Variants in OPCML observed in about 807,000 individuals in gnomAD.
OPCML encodes opioid-binding protein/cell adhesion molecule.
In OPCML, 13 loss-of-function variants were observed where a neutral mutation model predicts 37.8. That is an observed-to-expected ratio of 0.34 (90% CI 0.22 to 0.55). The LOEUF (loss-of-function observed/expected upper bound fraction) is 0.55, where lower values mean the gene tolerates loss of function less well. OPCML is among the 20% of genes least tolerant of loss of function. OPCML has a pLI of 0.91. For missense variants in OPCML, 341 were observed against 435.6 expected, an observed-to-expected ratio of 0.78 and a Z score of 1.93; for synonymous variants, 176 against 168.8, an observed-to-expected ratio of 1.04 and a Z score of -0.33.
intron 1 of OPCML, among the ~76,000 whole-genome samples, chr11:133,248,754 G>T (rs1941033660): frequency 6.6e-6 from 1 of 152,200 alleles, no homozygotes; most frequent in Admixed American, 6.5e-5. Context: ...CTGGAGTTGT[G>T]GTTGTGGTGG....
At chr11:132,793,204 C>T (rs1368795939) in intron 2 of OPCML, among the ~76,000 whole-genome samples, 2 of 152,150 alleles carry the variant, frequency 1.3e-5, no homozygotes, top group Non-Finnish European at 2.9e-5. Flanking sequence ...CAGTGCTGCC[C>T]TTCCCGGGAC....
rs553521142 is a variant in OPCML at position 133,485,218 on chromosome 11, G to A, written c.61+47046C>T. Among the ~76,000 whole-genome samples, 6 of 152,204 alleles carry A rather than the reference G, an allele frequency of 3.9e-5. No individual in the cohort carries two copies. The East Asian group carries it at 1.2e-3, about 29-fold the overall frequency. On this transcript the variant is annotated intron_variant, in intron 1 of 7. Transcript: ENST00000524381. ...TGGATATAAAAGAAATATACAAAAA[G>A]CAATAGCTTTGTTTTACACCAGCAT...
intron 4 of OPCML, among the ~76,000 whole-genome samples, chr11:132,500,736 G>A (rs1350620452): frequency 6.6e-6 from 1 of 151,956 alleles, no homozygotes. Flanking sequence ...CCTAGTGTGT[G>A]ATGTTCCCCT....
intron 1 of OPCML, among the ~76,000 whole-genome samples, chr11:133,029,871 A>AG (rs1044965745): frequency 7.9e-5 from 12 of 151,492 alleles, no homozygotes; most frequent in African/African-American, 2.7e-4. Flanking sequence ...TTTAAAAAAA[A>AG]ATTAAGTAAA....
chr11:132,922,758 C>T (rs1432652558), intron 2 of OPCML, among the ~76,000 whole-genome samples: 1 of 152,126 alleles, frequency 6.6e-6, no homozygotes, highest in East Asian at 1.9e-4. Context: ...CTCCCAGGAA[C>T]GAAGTCCTGT....
At chr11:133,457,229 T>G (rs183594892) in intron 1 of OPCML, among the ~76,000 whole-genome samples, 58 of 152,214 alleles carry the variant, frequency 3.8e-4, no homozygotes, top group Admixed American at 3.7e-3. Flanking sequence ...AACGTTTTCT[T>G]AAAGCATCAG....
chr11:133,096,118 A>G (rs1165085832), intron 1 of OPCML, among the ~76,000 whole-genome samples: 1 of 126,704 alleles, frequency 7.9e-6, no homozygotes, highest in African/African-American at 3.1e-5. Context: ...GCAACAAGGT[A>G]TTTGTGCACA....
intron 7 of OPCML, 97 bp downstream of exon 7, chr11:132,435,989 T>G (rs1422808379): frequency 3.1e-6 from 4 of 1,295,582 alleles, no homozygotes; most frequent in Non-Finnish European, 4.2e-6. Flanking sequence ...GTAGGATGGA[T>G]GGACACAGGC....
At position 133,500,558 on chromosome 11, in the gene OPCML, G is replaced by A. The variant is rs143105606; in HGVS notation, c.61+31706C>T. ...AGAGTAAGGCCAAGAGGGAAGCCTC[G>A]CTCCCTTCCCACCACCTCCCCTGCA... On this transcript the variant is annotated intron_variant, in intron 1 of 7. Transcript: ENST00000524381. Among the ~76,000 whole-genome samples the A allele has an allele frequency of 5.6e-3, 858 of 152,284 alleles. 7 individuals carry two copies. The highest frequency in any genetic ancestry group is 0.017 in the Middle Eastern group (5 of 294).
intron 1 of OPCML, among the ~76,000 whole-genome samples, chr11:133,112,526 A>G (rs1949272389): frequency 6.6e-6 from 1 of 152,202 alleles, no homozygotes; most frequent in Non-Finnish European, 1.5e-5. Flanking sequence ...TATTGTAGAC[A>G]TGGGCAAAAT....
rs183024648 is a variant in OPCML at position 132,964,311 on chromosome 11, C to G, written c.62-21301G>C. Among the ~76,000 whole-genome samples, 184 of 152,338 alleles carry G rather than the reference C, an allele frequency of 1.2e-3. 2 individuals carry two copies. Among genetic ancestry groups the G allele is most frequent in the Admixed American group, 0.011 (164 of 15,304 alleles). On this transcript the variant is annotated intron_variant, in intron 1 of 7. Transcript: ENST00000524381. Reference sequence around the variant, plus strand: ...AGCCTGGTGTGCAGTCTTCATGATACTGCTTTTCACAGCAGATGTTGTTAT... The same window carrying G: ...AGCCTGGTGTGCAGTCTTCATGATAGTGCTTTTCACAGCAGATGTTGTTAT...
intron 2 of OPCML, among the ~76,000 whole-genome samples, chr11:132,838,180 T>C (rs1323717474): frequency 6.6e-6 from 1 of 152,306 alleles, no homozygotes; most frequent in South Asian, 2.1e-4. Flanking sequence ...TAACAAAACA[T>C]GTTTATTAAA....
rs77797677 is a variant in OPCML, at chr11:133,524,444, G to T, written c.61+7820C>A. Among the ~76,000 whole-genome samples, 102 of 152,258 alleles carry T rather than the reference G, an allele frequency of 6.7e-4. 1 individual carries two copies. Among genetic ancestry groups the T allele is most frequent in the African/African-American group, 2.4e-3 (100 of 41,552 alleles). On this transcript the variant is annotated intron_variant, in intron 1 of 7. Transcript: ENST00000524381. Reference sequence around the variant, plus strand: ...AACATTGCACTTCCTATGAACAACAGAATTCTCCTTTTGATTGGTACAGTT... The same window carrying T: ...AACATTGCACTTCCTATGAACAACATAATTCTCCTTTTGATTGGTACAGTT...
chr11:133,491,288 CT>C (rs1037806250), intron 1 of OPCML, among the ~76,000 whole-genome samples: 17 of 152,168 alleles, frequency 1.1e-4, no homozygotes, highest in African/African-American at 3.9e-4. Flanking sequence ...CTCCTAGTCA[CT>C]TTACACCTTC....
intron 2 of OPCML, among the ~76,000 whole-genome samples, chr11:132,939,998 A>G (rs1194218084): frequency 6.6e-6 from 1 of 152,182 alleles, no homozygotes; most frequent in Non-Finnish European, 1.5e-5. Context: ...TCAATATTCA[A>G]ATAATTATTT....
intron 1 of OPCML, among the ~76,000 whole-genome samples, chr11:133,253,887 TGC>T (rs1941232046): frequency 7.1e-6 from 1 of 140,058 alleles, no homozygotes; most frequent in African/African-American, 2.7e-5. Context: ...TCCCTTCTCC[TGC>T]TCCCTCCCTC....
intron 1 of OPCML, among the ~76,000 whole-genome samples, chr11:133,068,720 G>A (rs1948477948): frequency 6.6e-6 from 1 of 152,138 alleles, no homozygotes. Flanking sequence ...CGGATATTTT[G>A]GCATTCCCTG....
chr11:132,731,942 G>A (rs754988810), intron 2 of OPCML, among the ~76,000 whole-genome samples: 13 of 152,096 alleles, frequency 8.5e-5, no homozygotes, highest in African/African-American at 3.1e-4. Context: ...AAATTACAGG[G>A]TGTGATCATA....
intron 1 of OPCML, among the ~76,000 whole-genome samples, chr11:133,344,846 C>G (rs1943959283): frequency 6.6e-6 from 1 of 152,164 alleles, no homozygotes; most frequent in Admixed American, 6.5e-5. Flanking sequence ...TGGTGTGTGT[C>G]CTCTTTCCCT....
Sources: gnomAD v4.1 joint callset for allele counts (sites outside exome capture counted in the v4.1 genomes callset) on GRCh38, gnomAD v4.1.1 for gene constraint, MANE v1.5 for transcripts, NCBI Gene and HGNC (gene_info 2026-07-23, HGNC 2026-07-21) for gene names.